The following CYP2A13 variants were observed in gnomAD, a reference collection of about 807,000 sequenced individuals.
CYP2A13 encodes cytochrome P450 family 2 subfamily A member 13.
CYP2A13 carries 30 observed loss-of-function variants against 39.4 expected under a neutral mutation model. The ratio of observed to expected loss-of-function variants is 0.76; its 90% confidence interval spans 0.57 to 1.03. The LOEUF (loss-of-function observed/expected upper bound fraction) is 1.03. Among genes scored for constraint, CYP2A13 ranks in the 50% least tolerant of loss-of-function variants. CYP2A13 has a pLI of 0.00. For synonymous variants in CYP2A13, 269 were observed against 254.7 expected (o/e 1.06, Z -0.54); for missense variants, 731 against 648.4 (o/e 1.13, Z -1.38).
At chr19:41,094,100 C>A in intron 6 of CYP2A13, 145 bp from the exon 7 acceptor site, 14 of 1,344,750 alleles carry the variant, frequency 1.0e-5, no homozygotes, top group Non-Finnish European at 1.4e-5. Flanking sequence ...TGCAACAATG[C>A]GAATGGCTGA....
chr19:41,092,849 T>C (rs2031221190), intron 5 of CYP2A13, among the ~76,000 whole-genome samples: 1 of 152,200 alleles, frequency 6.6e-6, no homozygotes, highest in African/African-American at 2.4e-5. Flanking sequence ...CCACAGTAAG[T>C]TTCAAGATTT....
rs373705937 is a variant in CYP2A13 at position 41,091,815 on chromosome 19, C to T, written c.738C>T (p.Asp246=). The T allele has an allele frequency of 7.4e-6, 12 of 1,614,072 alleles. No individual in the cohort carries two copies. Among genetic ancestry groups the T allele is most frequent in the South Asian group, 2.2e-5 (2 of 91,086 alleles). Residue 246 remains aspartate, a synonymous_variant, in exon 5 of 9, where the codon GAC becomes GAT. Transcript: ENST00000330436. ...QAFKELQGLE[D]FIAKKVEHNQ... is the part of the protein sequence containing the mutation. ...TTAAGGAGCTGCAAGGGCTGGAGGA[C>T]TTCATCGCCAAGAAGGTGGAGCACA... is the stretch of plus-strand genomic sequence containing the variant.
chr19:41,091,943 G>C (rs1421293737), intron 5 of CYP2A13, 35 bp downstream of exon 5: 1 of 1,608,876 alleles, frequency 6.2e-7, no homozygotes, highest in Non-Finnish European at 8.5e-7. Flanking sequence ...CAGGTGCAAA[G>C]CCAGGGAGAG....
intron 4 of CYP2A13, among the ~76,000 whole-genome samples, chr19:41,090,936 C>T (rs2031175999): frequency 6.6e-6 from 1 of 152,212 alleles, no homozygotes; most frequent in Non-Finnish European, 1.5e-5. Flanking sequence ...GTCAACCCGC[C>T]TCCTGCATAC....
In CYP2A13 at chr19:41,094,968, G is replaced by A. The variant is rs1159560597; in HGVS notation, c.1171G>A (p.Val391Met). 8.1e-6 allele frequency: 13 copies of A among 1,614,052 alleles called. No individual in the cohort carries two copies. Among genetic ancestry groups the A allele is most frequent in the South Asian group, 1.1e-5 (1 of 91,072 alleles). Residue 391 changes from valine to methionine, a missense_variant, in exon 8 of 9, where the codon GTG becomes ATG. Transcript: ENST00000330436. ...TCCTCCTCCCTCCCAGGGCACTGAAGTGTTCCCTATGCTGGGCTCCGTGCT... is the reference window on the plus strand; with the variant it reads ...TCCTCCTCCCTCCCAGGGCACTGAAATGTTCCCTATGCTGGGCTCCGTGCT... ...RDFFLPKGTE[V>M]FPMLGSVLRD...
In CYP2A13 at chr19:41,091,733, T is replaced by A. The variant is rs752011228; in HGVS notation, c.656T>A (p.Leu219His). 1.9e-6 allele frequency: 3 copies of A among 1,613,624 alleles called. No homozygotes were observed. Residue 219 changes from leucine to histidine, a missense_variant and splice_region_variant, in exon 5 of 9, where the codon CTC becomes CAC. By Grantham distance (99) the Leu-to-His change is moderately conservative. Coordinates refer to ENST00000330436, the MANE Select transcript of CYP2A13 (RefSeq NM_000766.5). ...FQFTATSTGQ[L>H]YEMFSSVMKH... is the part of the protein sequence containing the mutation. ...CCCATCCTCTCTCTGCAACCCCAGC[T>A]CTATGAGATGTTCTCTTCGGTGATG...
rs1255795759 is a variant in CYP2A13, at chr19:41,090,414, C to G, written c.504C>G (p.Ile168Met). 1 of 1,614,154 alleles carries G rather than the reference C, an allele frequency of 6.2e-7. No homozygotes were observed. ...DALRGTHGAN[I>M]DPTFFLSRTV... ...CCGCCACACCTGCAGGCGCCAATAT[C>G]GATCCCACCTTCTTCCTGAGCCGCA... The change falls in exon 4 of 9, where the codon ATC becomes ATG. Residue 168 changes from isoleucine (I) to methionine (M), a missense_variant. Ile to Met is a conservative substitution (Grantham distance 10). Transcript: ENST00000330436.
chr19:41,096,093 C>T lies in CYP2A13; in HGVS notation c.*152C>T, dbSNP rs183253628. ...GAGGGAACAGAAGAAACAGAAGGGG[C>T]TCAGTTCACCTTGATGATGTCCTTC... On this transcript the variant is annotated 3_prime_UTR_variant, in exon 9 of 9. Coordinates refer to ENST00000330436, the MANE Select transcript of CYP2A13 (RefSeq NM_000766.5). The T allele has an allele frequency of 2.2e-5, 25 of 1,130,468 alleles. No homozygotes were observed. Among genetic ancestry groups the T allele is most frequent in the Non-Finnish European group, 7.5e-6 (6 of 798,050 alleles). The allele number at this position is 1,130,468 out of a possible 1,614,324, so 70.0% of individuals were successfully genotyped here. A position where few individuals can be genotyped will look rare whatever the true frequency, so the allele number is the denominator to read the frequency against.
Position 41,090,070 on chromosome 19 carries a change from C to G in CYP2A13, c.367C>G (p.Arg123Gly). ...GYGVAFSNGERAKQLRRFSIA... is the reference protein window; with the variant it reads ...GYGVAFSNGEGAKQLRRFSIA... ...AGGCGTGGCGTTCAGCAACGGGGAG[C>G]GCGCCAAGCAGCTCCGGCGCTTCTC... Residue 123 changes from arginine (R) to glycine (G), a missense_variant, in exon 3 of 9, where the codon CGC (arginine) becomes GGC (glycine). Physicochemically the swap from Arg to Gly is moderately radical, Grantham distance 125. Coordinates refer to ENST00000330436, the MANE Select transcript of CYP2A13 (RefSeq NM_000766.5). 1.2e-6 allele frequency: 2 copies of G among 1,612,866 alleles called. No homozygotes were observed. Among genetic ancestry groups the G allele is most frequent in the East Asian group, 2.2e-5 (1 of 44,818 alleles).
rs150934830 is a variant in CYP2A13, at chr19:41,091,912, C to A, written c.831+4C>A. ...CTTTCTCATCCGCATGCAGGAGGTA[C>A]ATCCCAGCAGCCAGTGCAGGCAGGT... On this transcript the variant is annotated splice_donor_region_variant and intron_variant, in intron 5 of 8. Coordinates refer to ENST00000330436, the MANE Select transcript of CYP2A13 (RefSeq NM_000766.5). The A allele has an allele frequency of 2.1e-3, 3,423 of 1,613,972 alleles. 8 individuals carry two copies. Among genetic ancestry groups the A allele is most frequent in the Middle Eastern group, 2.6e-3 (16 of 6,062 alleles).
rs549074966 is a variant in CYP2A13, at chr19:41,089,315, C to A, written c.343+224C>A. 7.5e-3 allele frequency among the ~76,000 whole-genome samples: 1,137 copies of A among 152,132 alleles called. 7 individuals carry two copies. The highest frequency in any genetic ancestry group is 0.016 in the Admixed American group (238 of 15,268). On this transcript the variant is annotated intron_variant, in intron 2 of 8. Coordinates refer to ENST00000330436, the MANE Select transcript of CYP2A13 (RefSeq NM_000766.5). Reference sequence around the variant, plus strand: ...CTGCCTCTCTCTGCCCCGTCTCCTCCTTCTCTCTCACTGGAGTCTCCTCTT... The same window carrying A: ...CTGCCTCTCTCTGCCCCGTCTCCTCATTCTCTCTCACTGGAGTCTCCTCTT...
chr19:41,094,821 C>G, intron 7 of CYP2A13, 138 bp from the exon 8 acceptor site: 1 of 951,136 alleles, frequency 1.1e-6, no homozygotes, highest in Non-Finnish European at 1.6e-6. Flanking sequence ...CCCAAAGCTC[C>G]TCCCTCAGAG....
chr19:41,090,103 A>C lies in CYP2A13; in HGVS notation c.400A>C (p.Thr134Pro). The C allele has an allele frequency of 6.2e-7, 1 of 1,612,140 alleles. No individual in the cohort carries two copies. The highest frequency in any genetic ancestry group is 8.5e-7 in the Non-Finnish European group (1 of 1,179,178). The change falls in exon 3 of 9, where the codon ACC (threonine) becomes CCC (proline). Residue 134 changes from threonine (T) to proline (P), a missense_variant. Transcript: ENST00000330436. ...AKQLRRFSIA[T>P]LRGFGVGKRG... ...GCAGCTCCGGCGCTTCTCCATCGCCACCCTAAGGGGTTTTGGCGTGGGCAA... is the reference window on the plus strand; with the variant it reads ...GCAGCTCCGGCGCTTCTCCATCGCCCCCCTAAGGGGTTTTGGCGTGGGCAA...
At position 41,090,573 on chromosome 19, in the gene CYP2A13, C is replaced by T. The variant is rs2031168291; in HGVS notation, c.654+9C>T. On this transcript the variant is annotated intron_variant, in intron 4 of 8. Transcript: ENST00000330436. ...CAACCTCCACGGGGCAGGTAACTGG[C>T]TGCAGCCCGCCAGTGACGCCCCTAC... is the stretch of plus-strand genomic sequence containing the variant. 1 of 1,614,012 alleles carries T rather than the reference C, an allele frequency of 6.2e-7. No individual in the cohort carries two copies. The highest frequency in any genetic ancestry group is 8.5e-7 in the Non-Finnish European group (1 of 1,179,910).
At chr19:41,095,164 T>C in intron 8 of CYP2A13, 64 bp downstream of exon 8, 1 of 1,613,166 alleles carries the variant, frequency 6.2e-7, no homozygotes, top group Non-Finnish European at 8.5e-7. Context: ...CTCACCCACC[T>C]CCCCTCTCTG....
intron 2 of CYP2A13, among the ~76,000 whole-genome samples, chr19:41,089,341 TC>T (rs1182297361): frequency 6.6e-6 from 1 of 152,052 alleles, no homozygotes; most frequent in Non-Finnish European, 1.5e-5. Flanking sequence ...GTCTCCTCTT[TC>T]CCCTCTCTCT....
chr19:41,092,312 TAAA>T (rs529985444), intron 5 of CYP2A13, among the ~76,000 whole-genome samples: 12,434 of 52,616 alleles, frequency 0.24, 737 homozygotes, highest in Non-Finnish European at 0.3. Context: ...CAAGACCCTG[TAAA>T]AAAAAAAAAA....
chr19:41,094,017 C>A (rs1352527026), intron 6 of CYP2A13, among the ~76,000 whole-genome samples: 1 of 152,166 alleles, frequency 6.6e-6, no homozygotes, highest in African/African-American at 2.4e-5. Context: ...GCCTGCTCCT[C>A]TGGATCATCC....
chr19:41,089,229 C>T (rs2031113378), intron 2 of CYP2A13, 138 bp downstream of exon 2: 3 of 1,454,334 alleles, frequency 2.1e-6, no homozygotes, highest in Admixed American at 2.3e-5. Flanking sequence ...CATCTCCCTT[C>T]ATCGTGGCCT....
Sources: allele counts gnomAD v4.1 joint callset (sites outside exome capture counted in the v4.1 genomes callset), GRCh38; gene constraint gnomAD v4.1.1; transcripts MANE v1.5; gene names NCBI Gene and HGNC (gene_info 2026-07-23, HGNC 2026-07-21).